Variants in KCNMB2 observed in about 807,000 individuals in gnomAD.
KCNMB2 encodes calcium-activated potassium channel subunit beta-2.
KCNMB2 carries 9 observed loss-of-function variants against 24.5 expected under a neutral mutation model. The observed-to-expected ratio is 0.37, with a 90% CI of 0.22 to 0.64. The LOEUF (loss-of-function observed/expected upper bound fraction) is 0.64. Among genes scored for constraint, KCNMB2 ranks in the 30% least tolerant of loss-of-function variants. The pLI, the probability that KCNMB2 is intolerant of heterozygous loss-of-function variation, is 0.63. For synonymous variants in KCNMB2, 109 were observed against 104.4 expected (o/e 1.04, Z -0.27); for missense variants, 226 against 284.3 (o/e 0.79, Z 1.47).
intron 1 of KCNMB2, among the ~76,000 whole-genome samples, chr3:178,559,441 T>C (rs1319376712): frequency 1.3e-5 from 2 of 151,982 alleles, no homozygotes; most frequent in African/African-American, 4.8e-5. Flanking sequence ...ATTTGAACAA[T>C]TTTTTAAAAG....
At chr3:178,743,335 C>T (rs2108379707) in intron 1 of KCNMB2, among the ~76,000 whole-genome samples, 1 of 152,254 alleles carries the variant, frequency 6.6e-6, no homozygotes. Flanking sequence ...ACGATGGTAA[C>T]CTATCATGGC....
rs1430466521 is a variant in KCNMB2 at position 178,687,059 on chromosome 3, TC to T, written c.-67-120282del. Among the ~76,000 whole-genome samples, 3 of 152,092 alleles carry T rather than the reference TC, an allele frequency of 2.0e-5. No homozygotes were observed. In the East Asian group the frequency reaches 5.8e-4, roughly 29 times the overall value. On this transcript the variant is annotated intron_variant, in intron 1 of 4. Coordinates refer to ENST00000452583, the MANE Select transcript of KCNMB2 (RefSeq NM_181361.3). ...GCTTGATTTAGAAAAACAAATACCA[TC>T]CAAGGACAAAGTGGCCCAGTAGGGG...
intron 1 of KCNMB2, among the ~76,000 whole-genome samples, chr3:178,560,942 T>G (rs1035242099): frequency 6.6e-6 from 1 of 152,270 alleles, no homozygotes; most frequent in Non-Finnish European, 1.5e-5. Flanking sequence ...GGCGCAGCAC[T>G]GTTTTGCTTC....
intron 1 of KCNMB2, among the ~76,000 whole-genome samples, chr3:178,560,582 T>C (rs1451840445): frequency 6.6e-6 from 1 of 152,232 alleles, no homozygotes; most frequent in East Asian, 1.9e-4. Context: ...AGTCAGCCAA[T>C]CAATGAAATC....
chr3:178,825,507 C>A, intron 2 of KCNMB2, 81 bp from the exon 3 acceptor site: 1 of 1,234,204 alleles, frequency 8.1e-7, no homozygotes, highest in Non-Finnish European at 1.1e-6. Context: ...CCTAGGAAGG[C>A]ATGGGCAGAA....
chr3:178,718,950 G>A (rs936394920), intron 1 of KCNMB2, among the ~76,000 whole-genome samples: 1 of 150,670 alleles, frequency 6.6e-6, no homozygotes, highest in Non-Finnish European at 1.5e-5. Context: ...ACCCCAAGTG[G>A]CTATAAGATG....
At chr3:178,576,549 G>A (rs1007495561) in intron 1 of KCNMB2, among the ~76,000 whole-genome samples, 14 of 152,204 alleles carry the variant, frequency 9.2e-5, no homozygotes, top group Non-Finnish European at 1.9e-4. Context: ...GTCTAGCTCA[G>A]CAGATCCCAC....
chr3:178,609,686 G>T (rs1330097763), intron 1 of KCNMB2, among the ~76,000 whole-genome samples: 1 of 151,502 alleles, frequency 6.6e-6, no homozygotes, highest in African/African-American at 2.4e-5. Context: ...ATCCAGCTTG[G>T]AGTGCAGTGG....
intron 3 of KCNMB2, 77 bp from the exon 4 acceptor site, chr3:178,828,101 G>A: frequency 8.9e-7 from 1 of 1,121,644 alleles, no homozygotes; most frequent in East Asian, 2.4e-5. Context: ...CAGGAGATGA[G>A]AAATAATTCC....
At chr3:178,693,517 T>C (rs1331141588) in intron 1 of KCNMB2, among the ~76,000 whole-genome samples, 2 of 152,222 alleles carry the variant, frequency 1.3e-5, no homozygotes, top group African/African-American at 2.4e-5. Flanking sequence ...TATGTGGTTT[T>C]TGTCTTTAGC....
intron 1 of KCNMB2, among the ~76,000 whole-genome samples, chr3:178,689,352 T>C (rs79055417): frequency 0.14 from 21,308 of 152,088 alleles, 1,829 homozygotes; most frequent in Admixed American, 0.22. Context: ...TTAGAAGTTA[T>C]AAGCCGGGCA....
chr3:178,831,296 C>T (rs1459189385), intron 4 of KCNMB2, among the ~76,000 whole-genome samples: 5 of 152,140 alleles, frequency 3.3e-5, no homozygotes, highest in East Asian at 1.9e-4. Flanking sequence ...GAAAAAGGAA[C>T]GCCTATCCAC....
At chr3:178,541,183 A>G (rs1715604239) in intron 1 of KCNMB2, among the ~76,000 whole-genome samples, 1 of 152,226 alleles carries the variant, frequency 6.6e-6, no homozygotes, top group Non-Finnish European at 1.5e-5. Flanking sequence ...GGAGGGGGAA[A>G]AAAAATCACA....
At chr3:178,838,919 T>C (rs952350657) in intron 4 of KCNMB2, among the ~76,000 whole-genome samples, 8 of 152,102 alleles carry the variant, frequency 5.3e-5, no homozygotes, top group African/African-American at 1.9e-4. Context: ...AAAAAATAAG[T>C]TTATTAGGAT....
intron 1 of KCNMB2, among the ~76,000 whole-genome samples, chr3:178,597,133 A>T (rs1372330731): frequency 6.6e-6 from 1 of 152,118 alleles, no homozygotes; most frequent in Admixed American, 6.5e-5. Flanking sequence ...AACAGGCATC[A>T]TGGGGAGAAA....
chr3:178,561,466 A>G (rs1405867197), intron 1 of KCNMB2, among the ~76,000 whole-genome samples: 2 of 152,164 alleles, frequency 1.3e-5, no homozygotes, highest in African/African-American at 4.8e-5. Flanking sequence ...TGGTTCTGAA[A>G]CTAAATGGCT....
At chr3:178,606,426 A>C (rs1333981867) in intron 1 of KCNMB2, among the ~76,000 whole-genome samples, 2 of 151,294 alleles carry the variant, frequency 1.3e-5, no homozygotes, top group African/African-American at 4.9e-5. Context: ...TTTCCCTTGT[A>C]GCCTGGACTT....
At chr3:178,652,158 T>G (rs1018393591) in intron 1 of KCNMB2, among the ~76,000 whole-genome samples, 1 of 152,168 alleles carries the variant, frequency 6.6e-6, no homozygotes, top group Non-Finnish European at 1.5e-5. Context: ...GAGAAAATTT[T>G]TATCTATCTA....
chr3:178,758,345 GATATATAT>G (rs1214797017), intron 1 of KCNMB2, among the ~76,000 whole-genome samples: 277 of 8,650 alleles, frequency 0.032, 24 homozygotes, highest in African/African-American at 0.12. Flanking sequence ...TCCAAGAGGG[GATATATAT>G]ATATATATAT....
Sources: gnomAD v4.1 joint callset for allele counts (sites outside exome capture counted in the v4.1 genomes callset) on GRCh38, gnomAD v4.1.1 for gene constraint, MANE v1.5 for transcripts, NCBI Gene and HGNC (gene_info 2026-07-23, HGNC 2026-07-21) for gene names.